Variants in VPS13B observed in about 807,000 individuals in gnomAD.
VPS13B encodes the protein vacuolar protein sorting 13 homolog B.
VPS13B carries 285 observed loss-of-function variants against 426.4 expected under a neutral mutation model. The ratio of observed to expected loss-of-function variants is 0.67; its 90% CI spans 0.61 to 0.74. VPS13B has a LOEUF of 0.74. VPS13B is among the 30% of genes least tolerant of loss of function. The pLI is 0.00. For synonymous variants in VPS13B, 1,676 were observed against 1,676.4 expected (o/e 1.00, Z 0.01); for missense variants, 4,537 against 4,782.6 (o/e 0.95, Z 1.51).
chr8:99,665,184 A>T (rs1169980724), intron 35 of VPS13B, among the ~76,000 whole-genome samples: 1 of 152,024 alleles, frequency 6.6e-6, no homozygotes, highest in East Asian at 1.9e-4. Context: ...TTTCTTATAA[A>T]TTTGTTTGAG....
intron 3 of VPS13B, among the ~76,000 whole-genome samples, chr8:99,093,330 T>C (rs1217651479): frequency 6.6e-6 from 1 of 152,008 alleles, no homozygotes; most frequent in Non-Finnish European, 1.5e-5. Flanking sequence ...GAGTCTATGC[T>C]ATTCAAAGCA....
chr8:99,818,561 T>C lies in VPS13B; in HGVS notation c.8445+27T>C, dbSNP rs767014050. ...TGAGTGCTTTCCCAATCCTAAAATA[T>C]GGTATATGACTCTGACCTTTCCTGT... On this transcript the variant is annotated intron_variant, in intron 46 of 61. Transcript: ENST00000357162. 4 of 1,611,972 alleles carry C rather than the reference T, an allele frequency of 2.5e-6. No individual in the cohort carries two copies. In the South Asian group the frequency reaches 4.4e-5, roughly 18 times the overall value.
At chr8:99,423,997 T>A (rs1816533792) in intron 21 of VPS13B, among the ~76,000 whole-genome samples, 1 of 152,176 alleles carries the variant, frequency 6.6e-6, no homozygotes, top group South Asian at 2.1e-4. Flanking sequence ...CTGTCTAATG[T>A]TGACAGTGGG....
intron 39 of VPS13B, among the ~76,000 whole-genome samples, chr8:99,754,292 A>G (rs16897662): frequency 0.088 from 13,359 of 152,102 alleles, 1,044 homozygotes; most frequent in African/African-American, 0.21. Flanking sequence ...TCCAACTTCC[A>G]TTACCAGAAT....
At chr8:99,042,796 A>G (rs1001745453) in intron 3 of VPS13B, among the ~76,000 whole-genome samples, 1 of 152,144 alleles carries the variant, frequency 6.6e-6, no homozygotes, top group African/African-American at 2.4e-5. Context: ...TATTAATAAG[A>G]AAAAAATTTT....
chr8:99,235,228 G>A (rs1479444979), intron 17 of VPS13B, among the ~76,000 whole-genome samples: 1 of 152,184 alleles, frequency 6.6e-6, no homozygotes, highest in Non-Finnish European at 1.5e-5. Context: ...AATATGTAGA[G>A]ACTATAGTAA....
chr8:99,371,605 C>G (rs755275344), intron 19 of VPS13B, among the ~76,000 whole-genome samples: 3 of 152,136 alleles, frequency 2.0e-5, no homozygotes, highest in African/African-American at 7.2e-5. Flanking sequence ...TCCAATTCTG[C>G]AAAGAAAGTC....
chr8:99,287,635 A>T (rs926838650), intron 19 of VPS13B, among the ~76,000 whole-genome samples: 3 of 152,034 alleles, frequency 2.0e-5, no homozygotes, highest in African/African-American at 7.2e-5. Flanking sequence ...TTAGTTATAG[A>T]TAAATAATAA....
intron 30 of VPS13B, among the ~76,000 whole-genome samples, chr8:99,522,207 A>G (rs1311108266): frequency 6.6e-6 from 1 of 152,206 alleles, no homozygotes; most frequent in Admixed American, 6.5e-5. Context: ...CATAAATTCT[A>G]TATGAGAATA....
At chr8:99,577,656 C>G in intron 33 of VPS13B, 23 bp downstream of exon 33, 10 of 1,612,504 alleles carry the variant, frequency 6.2e-6, no homozygotes, top group Non-Finnish European at 8.5e-6. Flanking sequence ...TGATTTTGAT[C>G]AGGCTTACTG....
chr8:99,612,508 C>T (rs924529517), intron 33 of VPS13B, among the ~76,000 whole-genome samples: 11 of 152,168 alleles, frequency 7.2e-5, no homozygotes, highest in South Asian at 6.2e-4. Context: ...ATATACACAG[C>T]AGCCAGAGTA....
chr8:99,105,188 T>C (rs1451004014), intron 5 of VPS13B, among the ~76,000 whole-genome samples: 1 of 152,172 alleles, frequency 6.6e-6, no homozygotes, highest in Non-Finnish European at 1.5e-5. Flanking sequence ...GTTGTGAGCA[T>C]AAAAGTGTAG....
At chr8:99,652,514 A>G (rs896922696) in intron 34 of VPS13B, among the ~76,000 whole-genome samples, 2 of 151,454 alleles carry the variant, frequency 1.3e-5, no homozygotes, top group Admixed American at 6.6e-5. Flanking sequence ...AATTCTAGCT[A>G]TTGTGGTTTG....
chr8:99,432,213 T>C (rs1461214982), intron 22 of VPS13B, among the ~76,000 whole-genome samples: 1 of 152,156 alleles, frequency 6.6e-6, no homozygotes, highest in Non-Finnish European at 1.5e-5. Context: ...TAGATGCTTA[T>C]TTGATAAGCT....
intron 43 of VPS13B, among the ~76,000 whole-genome samples, chr8:99,794,500 A>C (rs200463822): frequency 6.6e-6 from 1 of 152,218 alleles, no homozygotes; most frequent in East Asian, 1.9e-4. Flanking sequence ...ATTAGTACTC[A>C]GTATTACTCC....
At chr8:99,219,013 C>T (rs1402781675) in intron 17 of VPS13B, among the ~76,000 whole-genome samples, 3 of 152,136 alleles carry the variant, frequency 2.0e-5, no homozygotes, top group Non-Finnish European at 4.4e-5. Flanking sequence ...CAGTTGACCT[C>T]ATCCTGGAAT....
intron 19 of VPS13B, among the ~76,000 whole-genome samples, chr8:99,295,232 A>T (rs751427308): frequency 1.4e-4 from 22 of 152,164 alleles, no homozygotes; most frequent in Non-Finnish European, 2.1e-4. Context: ...TATGTATGAT[A>T]TTTTACTTAT....
chr8:99,692,767 G>T (rs1268658808), intron 35 of VPS13B, among the ~76,000 whole-genome samples: 1 of 147,614 alleles, frequency 6.8e-6, no homozygotes, highest in African/African-American at 2.6e-5. Flanking sequence ...CTGGTTTTTT[G>T]AAAGGATCAA....
intron 21 of VPS13B, among the ~76,000 whole-genome samples, chr8:99,421,567 G>A (rs756755780): frequency 1.8e-4 from 28 of 152,032 alleles, no homozygotes; most frequent in Admixed American, 1.6e-3. Context: ...TTACTAGCTG[G>A]GTGACTTGGG....
Sources: allele counts gnomAD v4.1 joint callset (sites outside exome capture counted in the v4.1 genomes callset), GRCh38; gene constraint gnomAD v4.1.1; transcripts MANE v1.5; gene names NCBI Gene and HGNC (gene_info 2026-07-23, HGNC 2026-07-21).